SPATA31C2: variants seen among roughly 807,000 people sequenced by gnomAD.
SPATA31C2 encodes SPATA31 subfamily C member 2.
SPATA31C2 carries 5 observed loss-of-function variants against 11.4 expected under a neutral mutation model. That is an observed-to-expected ratio of 0.44 (90% CI 0.23 to 0.92). The LOEUF (loss-of-function observed/expected upper bound fraction) is 0.92. Among genes scored for constraint, SPATA31C2 ranks in the 40% least tolerant of loss-of-function variants. The pLI is 0.24. For synonymous variants in SPATA31C2, 515 were observed against 538.7 expected (o/e 0.96, Z 0.61); for missense variants, 1,353 against 1,368.6 (o/e 0.99, Z 0.18).
At position 88,131,077 on chromosome 9, in the gene SPATA31C2, A is replaced by C; in HGVS notation, c.1960T>G (p.Trp654Gly). 4 of 1,612,052 alleles carry C rather than the reference A, an allele frequency of 2.5e-6. No homozygotes were observed. The highest frequency in any genetic ancestry group is 3.4e-6 in the Non-Finnish European group (4 of 1,179,860). ...GGTAGACCCCACCTGTGTTTGGCCC[A>C]AAACCTCACAATATGGGCTCCCAGC... ...QVLGAHIVRF[W>G]AKHRWGLPLR... Residue 654 changes from tryptophan (W) to glycine (G), a missense_variant, in exon 4 of 4, where the codon TGG becomes GGG. Coordinates refer to ENST00000324915, the MANE Select transcript of SPATA31C2 (RefSeq NM_001350978.3).
At chr9:88,133,814 T>A in intron 1 of SPATA31C2, 145 bp from the exon 2 acceptor site, 1 of 1,267,368 alleles carries the variant, frequency 7.9e-7, no homozygotes, top group South Asian at 1.2e-5. Context: ...CCCACTCATG[T>A]TTAAATGGAT....
chr9:88,130,386 T>C lies in SPATA31C2; in HGVS notation c.2651A>G (p.Gln884Arg). The change falls in exon 4 of 4, where the codon CAA becomes CGA. Residue 884 changes from glutamine to arginine, a missense_variant. By Grantham distance (43) the Gln-to-Arg change is conservative (BLOSUM62 1). Around this residue, in one of 6 missense-constraint regions of SPATA31C2, gnomAD observed 1,075 missense variants for 992.8 expected, o/e 1.08. Coordinates refer to ENST00000324915, the MANE Select transcript of SPATA31C2 (RefSeq NM_001350978.3). ...SATVVLLPDG[Q>R]ASVVPHASEN... ...TGAAGCATGGGGCACAACAGATGCT[T>C]GCCCATCTGGAAGGAGCACAACAGT... The C allele has an allele frequency of 6.2e-7, 1 of 1,611,372 alleles. No individual in the cohort carries two copies. Among genetic ancestry groups the C allele is most frequent in the Non-Finnish European group, 8.5e-7 (1 of 1,179,438 alleles).
rs569355684 is a variant in SPATA31C2, at chr9:88,130,268, T to G, written c.2769A>C (p.Ser923=). 113 of 1,609,510 alleles carry G rather than the reference T, an allele frequency of 7.0e-5. 1 individual carries two copies. In the East Asian group the frequency reaches 2.5e-3, roughly 36 times the overall value. Residue 923 remains serine (S), a synonymous_variant, in exon 4 of 4, where the codon TCA becomes TCC. Transcript: ENST00000324915. ...TGTGCCCCATGTTACTCCTTCTGGC[T>G]GACATGAGGTCACATAGCTCCTGGG... is the stretch of plus-strand genomic sequence containing the variant. ...QASQELCDLM[S]ARRSNMGHKE... is the part of the protein sequence containing the mutation.
In SPATA31C2 at chr9:88,132,059, C is replaced by T. The variant is rs1355116298; in HGVS notation, c.978G>A (p.Leu326=). 6.2e-7 allele frequency: 1 copy of T among 1,610,650 alleles called. No homozygotes were observed. The highest frequency in any genetic ancestry group is 2.2e-5 in the East Asian group (1 of 44,748). ...MSPLLFQAQP[L]SHLEPESQPF... Reference sequence around the variant, plus strand: ...GTTGGGACTCAGGCTCCAGATGGGACAGGGGCTGGGCCTGGAAAAGCAGTG... The same window carrying T: ...GTTGGGACTCAGGCTCCAGATGGGATAGGGGCTGGGCCTGGAAAAGCAGTG... The change falls in exon 4 of 4, where the codon CTG becomes CTA. Residue 326 remains leucine, a synonymous_variant. Transcript: ENST00000324915.
intron 1 of SPATA31C2, 143 bp from the exon 2 acceptor site, chr9:88,133,812 T>C (rs1354853517): frequency 2.3e-5 from 30 of 1,281,672 alleles, no homozygotes; most frequent in South Asian, 7.4e-5. Context: ...CTCCCACTCA[T>C]GTTTAAATGG....
intron 3 of SPATA31C2, 92 bp downstream of exon 3, chr9:88,132,874 T>C: frequency 7.6e-7 from 1 of 1,321,660 alleles, no homozygotes; most frequent in Non-Finnish European, 1.0e-6. Flanking sequence ...CCCCCTGGTC[T>C]CTCCATCCCA....
In SPATA31C2 at chr9:88,130,280, A is replaced by C; in HGVS notation, c.2757T>G (p.Cys919Trp). The C allele has an allele frequency of 6.2e-7, 1 of 1,609,570 alleles. No individual in the cohort carries two copies. Among genetic ancestry groups the C allele is most frequent in the Non-Finnish European group, 8.5e-7 (1 of 1,178,752 alleles). ...TACTCCTTCTGGCTGACATGAGGTC[A>C]CATAGCTCCTGGGAAGCCTGCATGT... Reference protein sequence around the residue: ...TGNMQASQELCDLMSARRSNM... With the variant: ...TGNMQASQELWDLMSARRSNM... Residue 919 changes from cysteine (C) to tryptophan (W), a missense_variant, in exon 4 of 4, where the codon TGT becomes TGG. This residue lies in a region of SPATA31C2 where 1,075 missense variants were observed against 992.8 expected (regional missense o/e 1.08). Coordinates refer to ENST00000324915, the MANE Select transcript of SPATA31C2 (RefSeq NM_001350978.3).
At position 88,131,811 on chromosome 9, in the gene SPATA31C2, C is replaced by A; in HGVS notation, c.1226G>T (p.Gly409Val). 2 of 1,611,580 alleles carry A rather than the reference C, an allele frequency of 1.2e-6. No individual in the cohort carries two copies. The highest frequency in any genetic ancestry group is 1.7e-6 in the Non-Finnish European group (2 of 1,179,596). ...RPLLKKQLEG[G>V]LALPSRVQKS... The stretch of plus-strand genomic sequence containing the variant: ...TTGGACCCTAGAGGGTAAAGCCAAC[C>A]CACCTTCTAGTTGTTTCTTCAACAA... Residue 409 changes from glycine to valine, a missense_variant, in exon 4 of 4, where the codon GGG becomes GTG. Around this residue, in one of 6 missense-constraint regions of SPATA31C2, gnomAD observed 1,075 missense variants for 992.8 expected, o/e 1.08. Transcript: ENST00000324915.
In SPATA31C2 at chr9:88,129,827, G is replaced by A. The variant is rs1435928618; in HGVS notation, c.3210C>T (p.Cys1070=). The change falls in exon 4 of 4, where the codon TGC becomes TGT. Residue 1070 remains cysteine, a synonymous_variant. Transcript: ENST00000324915. ...GQILEENMSL[C]HARHASKVNQ... The stretch of plus-strand genomic sequence containing the variant: ...TTACCTTCGAGGCATGGCGCGCATG[G>A]CAAAGTGACATGTTCTCCTCCAGTA... The A allele has an allele frequency of 6.2e-7, 1 of 1,604,468 alleles. No homozygotes were observed. Among genetic ancestry groups the A allele is most frequent in the African/African-American group, 1.3e-5 (1 of 74,664 alleles).
rs1043747132 is a variant in SPATA31C2 at position 88,130,808 on chromosome 9, C to T, written c.2229G>A (p.Arg743=). 3.7e-6 allele frequency: 6 copies of T among 1,612,952 alleles called. No individual in the cohort carries two copies. The highest frequency in any genetic ancestry group is 3.3e-5 in the Admixed American group (2 of 60,016). ...ASSPACKQFQ[R]APRGIPSSND... is the part of the protein sequence containing the mutation. ...TCGAAGATGGGATCCCTCGCGGGGC[C>T]CTCTGGAACTGCTTACATGCAGGTG... The change falls in exon 4 of 4, where the codon AGG becomes AGA. Residue 743 remains arginine (R), a synonymous_variant. Coordinates refer to ENST00000324915, the MANE Select transcript of SPATA31C2 (RefSeq NM_001350978.3).
At chr9:88,136,204 A>G (rs1452008039) in intron 1 of SPATA31C2, among the ~76,000 whole-genome samples, 1 of 144,368 alleles carries the variant, frequency 6.9e-6, no homozygotes, top group Non-Finnish European at 1.5e-5. Flanking sequence ...AAGTGCTGGG[A>G]TTACAGGCGT....
rs753928598 is a variant in SPATA31C2 at position 88,131,213 on chromosome 9, G to C, written c.1824C>G (p.Pro608=). ...RSWLAVNQAF[P]VSNTHVKTSN... Reference sequence around the variant, plus strand: ...TGGTTTTCACGTGGGTGTTGGAGACGGGAAAAGCCTGGTTGACAGCAAGCC... The same window carrying C: ...TGGTTTTCACGTGGGTGTTGGAGACCGGAAAAGCCTGGTTGACAGCAAGCC... Residue 608 remains proline, a synonymous_variant, in exon 4 of 4, where the codon CCC becomes CCG. Transcript: ENST00000324915. 6.2e-7 allele frequency: 1 copy of C among 1,611,862 alleles called. No individual in the cohort carries two copies. The highest frequency in any genetic ancestry group is 8.5e-7 in the Non-Finnish European group (1 of 1,179,860).
At chr9:88,134,014 C>G (rs1171831238) in intron 1 of SPATA31C2, among the ~76,000 whole-genome samples, 1 of 151,222 alleles carries the variant, frequency 6.6e-6, no homozygotes, top group South Asian at 2.1e-4. Context: ...ATTAGCCAGG[C>G]GTGGTGGCGG....
At chr9:88,132,772 G>A in intron 3 of SPATA31C2, 62 bp from the exon 4 acceptor site, 20 of 1,544,134 alleles carry the variant, frequency 1.3e-5, no homozygotes, top group Non-Finnish European at 1.7e-5. Context: ...GGCAGAGTGG[G>A]CGCTTGGGCC....
Position 88,131,405 on chromosome 9 carries a change from A to AC in SPATA31C2, c.1631_1632insG (p.Glu545Ter). On this transcript the variant is annotated frameshift_variant, in exon 4 of 4. Transcript: ENST00000324915. LOFTEE classifies it low-confidence loss of function (END_TRUNC). ...TCCTCAGGTTCCTTTCCGACTCCTC[A>AC]GAGGTCGCCCCCAGAACCTTCCCTG... is the stretch of plus-strand genomic sequence containing the variant. The AC allele has an allele frequency of 1.2e-6, 2 of 1,611,956 alleles. No homozygotes were observed. The highest frequency in any genetic ancestry group is 1.7e-6 in the Non-Finnish European group (2 of 1,179,850).
chr9:88,136,573 G>C (rs1429136716), intron 1 of SPATA31C2, among the ~76,000 whole-genome samples: 1 of 146,558 alleles, frequency 6.8e-6, no homozygotes, highest in East Asian at 2.0e-4. Flanking sequence ...TAAATTCTTA[G>C]AATTGATTGT....
At chr9:88,133,207 C>G (rs1366911171) in intron 2 of SPATA31C2, among the ~76,000 whole-genome samples, 181 bp from the exon 3 acceptor site, 1 of 43,070 alleles carries the variant, frequency 2.3e-5, no homozygotes, top group Non-Finnish European at 3.9e-5. Context: ...TTGTCATTCA[C>G]AAAGGGCTTC....
In SPATA31C2 at chr9:88,130,578, C is replaced by T. The variant is rs1240171669; in HGVS notation, c.2459G>A (p.Ser820Asn). 4 of 1,613,524 alleles carry T rather than the reference C, an allele frequency of 2.5e-6. No homozygotes were observed. The highest frequency in any genetic ancestry group is 3.4e-6 in the Non-Finnish European group (4 of 1,179,640). The change falls in exon 4 of 4, where the codon AGT becomes AAT. Residue 820 changes from serine (S) to asparagine (N), a missense_variant. By Grantham distance (46) the Ser-to-Asn change is conservative. This residue lies in a region of SPATA31C2 where 1,075 missense variants were observed against 992.8 expected (regional missense o/e 1.08). Coordinates refer to ENST00000324915, the MANE Select transcript of SPATA31C2 (RefSeq NM_001350978.3). ...AGCCTTGAAACCACGCACATCCTCACTTGTGGCTTGGAGGTTTGCTCTCAT... is the reference window on the plus strand; with the variant it reads ...AGCCTTGAAACCACGCACATCCTCATTTGTGGCTTGGAGGTTTGCTCTCAT... The part of the protein sequence containing the change: ...TCMRANLQAT[S>N]EDVRGFKAPG...
Position 88,132,365 on chromosome 9 carries a change from C to T in SPATA31C2, c.672G>A (p.Pro224=), listed in dbSNP as rs643728. Residue 224 remains proline, a synonymous_variant, in exon 4 of 4, where the codon CCG becomes CCA. Transcript: ENST00000324915. ...GAGGAGTGAAGCCTTTCGGAGGAGG[C>T]GGAGAGCAGGCCAGAGGATCAGGAG... ...PRTPDPLACS[P]PPPKGFTPPP... is the part of the protein sequence containing the mutation. 3.7e-3 allele frequency: 6,019 copies of T among 1,610,782 alleles called. 185 individuals are homozygous for T. The African/African-American group carries it at 0.067, about 18-fold the overall frequency.
Sources: gnomAD v4.1 joint callset for allele counts (sites outside exome capture counted in the v4.1 genomes callset) on GRCh38, gnomAD v4.1.1 for gene constraint, gnomAD v4.1.1 regional missense constraint, MANE v1.5 for transcripts, NCBI Gene and HGNC (gene_info 2026-07-23, HGNC 2026-07-21) for gene names.